NCKAP5: variants seen among roughly 807,000 people sequenced by gnomAD.
NCKAP5 encodes the protein NCK associated protein 5.
In NCKAP5, 92 loss-of-function variants were observed where a neutral mutation model predicts 167.0. The ratio of observed to expected loss-of-function variants is 0.55; its 90% CI spans 0.47 to 0.66. The LOEUF is 0.66. Among genes scored for constraint, NCKAP5 ranks in the 30% least tolerant of loss-of-function variants. The pLI is 0.00. For missense variants in NCKAP5, 2,378 were observed against 2,315.0 expected, an observed-to-expected ratio of 1.03 and a Z score of -0.56; for synonymous variants, 891 against 877.4, an observed-to-expected ratio of 1.02 and a Z score of -0.27.
intron 3 of NCKAP5, among the ~76,000 whole-genome samples, chr2:133,452,132 A>T (rs1220286589): frequency 6.6e-6 from 1 of 152,214 alleles, no homozygotes; most frequent in Non-Finnish European, 1.5e-5. Context: ...AAAACAATCA[A>T]CTGGCCAAAA....
chr2:132,684,690 C>T (rs1418623194), intron 19 of NCKAP5, among the ~76,000 whole-genome samples: 1 of 152,150 alleles, frequency 6.6e-6, no homozygotes, highest in South Asian at 2.1e-4. Flanking sequence ...TCCCCTTCCC[C>T]TACAAAGTTG....
At chr2:133,060,331 AAAAGT>A (rs1320972070) in intron 6 of NCKAP5, among the ~76,000 whole-genome samples, 1 of 152,202 alleles carries the variant, frequency 6.6e-6, no homozygotes, top group Non-Finnish European at 1.5e-5. Flanking sequence ...CCCTTTTGGG[AAAAGT>A]CCCATACTAA....
chr2:133,664,255 T>G, the NCKAP5 span, among the ~76,000 whole-genome samples: 5 of 152,188 alleles, frequency 3.3e-5, no homozygotes, highest in African/African-American at 1.2e-4. Flanking sequence ...ACTTCATTAT[T>G]TTATTTCTAG....
At chr2:133,627,558 T>C in the NCKAP5 span, among the ~76,000 whole-genome samples, 1 of 151,972 alleles carries the variant, frequency 6.6e-6, no homozygotes, top group Non-Finnish European at 1.5e-5. Context: ...GTGGATCACC[T>C]GAGGCCAGGA....
At chr2:133,150,261 A>G (rs1284489402) in intron 5 of NCKAP5, among the ~76,000 whole-genome samples, 2 of 152,158 alleles carry the variant, frequency 1.3e-5, no homozygotes, top group Non-Finnish European at 2.9e-5. Context: ...CAGGATGTGA[A>G]CCTAGTGTAT....
chr2:133,611,846 G>C, the NCKAP5 span, among the ~76,000 whole-genome samples: 1 of 152,256 alleles, frequency 6.6e-6, no homozygotes, highest in Non-Finnish European at 1.5e-5. Context: ...CATGATGATG[G>C]GTTTTGAGAT....
chr2:133,310,228 C>A (rs901905678), intron 3 of NCKAP5, among the ~76,000 whole-genome samples: 2 of 152,166 alleles, frequency 1.3e-5, no homozygotes, highest in African/African-American at 4.8e-5. Flanking sequence ...GGCATCTGTA[C>A]CAATATAAAT....
intron 3 of NCKAP5, among the ~76,000 whole-genome samples, chr2:133,337,358 G>A (rs1042181531): frequency 6.6e-6 from 1 of 152,138 alleles, no homozygotes; most frequent in Non-Finnish European, 1.5e-5. Context: ...TAAAGAAGAA[G>A]TAAGTACCAA....
At chr2:132,997,835 A>G (rs2077651246) in intron 6 of NCKAP5, among the ~76,000 whole-genome samples, 1 of 152,168 alleles carries the variant, frequency 6.6e-6, no homozygotes, top group African/African-American at 2.4e-5. Context: ...AGAAGTCACA[A>G]ATTCTGAAAT....
At chr2:132,977,608 TC>T (rs1272947102) in intron 7 of NCKAP5, among the ~76,000 whole-genome samples, 1 of 152,156 alleles carries the variant, frequency 6.6e-6, no homozygotes, top group Non-Finnish European at 1.5e-5. Context: ...AAAGAAGAGC[TC>T]GAATAAGATG....
At chr2:132,690,547 T>C (rs1686593407) in intron 19 of NCKAP5, among the ~76,000 whole-genome samples, 1 of 152,244 alleles carries the variant, frequency 6.6e-6, no homozygotes, top group Admixed American at 6.5e-5. Context: ...CTTGCTTGTA[T>C]CAATTAGCCT....
chr2:133,401,286 C>A (rs916155302), intron 3 of NCKAP5, among the ~76,000 whole-genome samples: 1 of 152,208 alleles, frequency 6.6e-6, no homozygotes, highest in Non-Finnish European at 1.5e-5. Context: ...TGCCTAGAAT[C>A]TTTTCCATTT....
chr2:133,315,563 C>T (rs1259221085), intron 3 of NCKAP5, among the ~76,000 whole-genome samples: 3 of 149,792 alleles, frequency 2.0e-5, no homozygotes, highest in African/African-American at 7.4e-5. Flanking sequence ...GCCGTGACAT[C>T]GAATGGGATT....
At chr2:132,677,790 G>C (rs1684687131) in intron 19 of NCKAP5, among the ~76,000 whole-genome samples, 1 of 152,044 alleles carries the variant, frequency 6.6e-6, no homozygotes, top group Non-Finnish European at 1.5e-5. Context: ...GAAAGTATCA[G>C]CCCGTACATG....
chr2:132,726,306 C>G (rs539102555), intron 18 of NCKAP5, among the ~76,000 whole-genome samples: 31 of 152,340 alleles, frequency 2.0e-4, no homozygotes, highest in African/African-American at 7.0e-4. Flanking sequence ...ATGTAATCCT[C>G]AAATCTGCTG....
At chr2:133,322,148 T>C (rs1398398566) in intron 3 of NCKAP5, among the ~76,000 whole-genome samples, 1 of 152,212 alleles carries the variant, frequency 6.6e-6, no homozygotes, top group Non-Finnish European at 1.5e-5. Flanking sequence ...GCAGAAAGGC[T>C]AATAGATTTT....
chr2:133,219,931 C>T (rs2086589588), intron 4 of NCKAP5, among the ~76,000 whole-genome samples: 1 of 152,116 alleles, frequency 6.6e-6, no homozygotes, highest in East Asian at 1.9e-4. Flanking sequence ...TCTCATTTGT[C>T]CTTGCGTTTA....
Position 132,818,027 on chromosome 2 carries a change from G to A in NCKAP5, c.808-21298C>T, listed in dbSNP as rs550685355. 3.3e-5 allele frequency among the ~76,000 whole-genome samples: 5 copies of A among 152,156 alleles called. No individual in the cohort carries two copies. The East Asian group carries it at 5.8e-4, about 18-fold the overall frequency. Reference sequence around the variant, plus strand: ...CCGCGGCATGATCATGGCTCACTGCGGCCTCCACCTCTCGAGCTCAAACAA... The same window carrying A: ...CCGCGGCATGATCATGGCTCACTGCAGCCTCCACCTCTCGAGCTCAAACAA... On this transcript the variant is annotated intron_variant, in intron 11 of 19. Coordinates refer to ENST00000409261, the MANE Select transcript of NCKAP5 (RefSeq NM_207363.3).
chr2:132,729,531 G>A (rs1389117643), intron 17 of NCKAP5, among the ~76,000 whole-genome samples: 1 of 152,162 alleles, frequency 6.6e-6, no homozygotes, highest in East Asian at 1.9e-4. Context: ...ATATGGATCA[G>A]CTGAGCTTTT....
Sources: allele counts gnomAD v4.1 joint callset (sites outside exome capture counted in the v4.1 genomes callset), GRCh38; gene constraint gnomAD v4.1.1; transcripts MANE v1.5; gene names NCBI Gene and HGNC (gene_info 2026-07-23, HGNC 2026-07-21).